Variants in EPX observed in about 807,000 individuals in gnomAD.
The protein encoded by EPX is eosinophil peroxidase.
EPX carries 60 observed loss-of-function variants against 73.0 expected under a neutral mutation model. The observed-to-expected ratio is 0.82, with a 90% confidence interval of 0.67 to 1.02. The LOEUF (loss-of-function observed/expected upper bound fraction) is 1.02, where lower values mean the gene tolerates loss of function less well. Ranked by LOEUF, EPX falls within the 50% of genes least tolerant of loss-of-function variation. The pLI is 0.00. For missense variants in EPX, 950 were observed against 973.9 expected, an observed-to-expected ratio of 0.98 and a Z score of 0.33; for synonymous variants, 347 against 389.2, an observed-to-expected ratio of 0.89 and a Z score of 1.28.
rs1318868057 is a variant in EPX, at chr17:58,192,911, G to A, written c.65G>A (p.Gly22Asp). Residue 22 changes from glycine (G) to aspartate (D), a missense_variant, in exon 1 of 13, where the codon GGC becomes GAC. Transcript: ENST00000225371. Reference protein sequence around the residue: ...ATLVLAQPCEGTDPASPGAVE... With the variant: ...ATLVLAQPCEDTDPASPGAVE... ...CTCGTCCTCGCCCAGCCCTGTGAGGGCACTGACCCAGGTAATAGTCCCCTA... is the reference window on the plus strand; with the variant it reads ...CTCGTCCTCGCCCAGCCCTGTGAGGACACTGACCCAGGTAATAGTCCCCTA... 6.2e-7 allele frequency: 1 copy of A among 1,614,060 alleles called. No homozygotes were observed. The highest frequency in any genetic ancestry group is 2.2e-5 in the East Asian group (1 of 44,868).
At chr17:58,196,037 CTTTCTT>C (rs1165880044) in intron 6 of EPX, among the ~76,000 whole-genome samples, 821 of 66,768 alleles carry the variant, frequency 0.012, 15 homozygotes, top group African/African-American at 0.052. Context: ...TCCTTTCTTT[CTTTCTT>C]TTTCTTTCTT....
At chr17:58,198,418 C>A (rs1189246710) in intron 7 of EPX, among the ~76,000 whole-genome samples, 1 of 152,152 alleles carries the variant, frequency 6.6e-6, no homozygotes, top group African/African-American at 2.4e-5. Context: ...CTGGAAAGAG[C>A]AGCTTGTGCC....
At chr17:58,203,428 C>A in intron 11 of EPX, 110 bp downstream of exon 11, 1 of 842,488 alleles carries the variant, frequency 1.2e-6, no homozygotes, top group Non-Finnish European at 2.0e-6. Flanking sequence ...TCATTTCTTC[C>A]AAGTTCACAG....
Position 58,199,533 on chromosome 17 carries a change from T to C in EPX, c.1282-6T>C, listed in dbSNP as rs201489615. 2.5e-6 allele frequency: 4 copies of C among 1,614,142 alleles called. No homozygotes were observed. In the East Asian group the frequency reaches 8.9e-5, roughly 36 times the overall value. ...TGGGGAATGTTCCTCCTGTCTTCCC[T>C]TCCAGATCATCACCTACCGAGACTT... On this transcript the variant is annotated splice_region_variant and splice_polypyrimidine_tract_variant and intron_variant, in intron 8 of 12. Coordinates refer to ENST00000225371, the MANE Select transcript of EPX (RefSeq NM_000502.6).
rs1335785981 is a variant in EPX at position 58,194,016 on chromosome 17, C to T, written c.518C>T (p.Ala173Val). ...CAGGCTCTGGCTCGCTGGCTGCCCG[C>T]CGAGTATGAGGATGGGCTGTCGCTC... ...SNQALARWLP[A>V]EYEDGLSLPF... Residue 173 changes from alanine (A) to valine (V), a missense_variant, in exon 5 of 13, where the codon GCC becomes GTC. Physicochemically the swap from Ala to Val is moderately conservative, Grantham distance 64. Transcript: ENST00000225371. The T allele has an allele frequency of 6.2e-7, 1 of 1,613,160 alleles. No homozygotes were observed.
At chr17:58,201,682 G>A (rs1968343404) in intron 10 of EPX, among the ~76,000 whole-genome samples, 1 of 152,178 alleles carries the variant, frequency 6.6e-6, no homozygotes, top group Admixed American at 6.5e-5. Context: ...AGCAGGATAT[G>A]ATAGGGATGT....
chr17:58,200,877 A>G (rs1450974751), intron 10 of EPX, among the ~76,000 whole-genome samples: 2 of 152,216 alleles, frequency 1.3e-5, no homozygotes, highest in East Asian at 1.9e-4. Flanking sequence ...GAGGGCACAA[A>G]TGACTTTATC....
chr17:58,197,834 C>CTTA (rs33937391), intron 7 of EPX, among the ~76,000 whole-genome samples: 8,706 of 151,818 alleles, frequency 0.057, 298 homozygotes, highest in Middle Eastern at 0.13. Flanking sequence ...AGATATTTAT[C>CTTA]TTATTATTAT....
chr17:58,203,418 T>A (rs1475521125), intron 11 of EPX, 100 bp downstream of exon 11: 2 of 877,374 alleles, frequency 2.3e-6, no homozygotes, highest in South Asian at 2.7e-5. Context: ...CTTTTTAGTA[T>A]CATTTCTTCC....
At chr17:58,194,671 T>A (rs34421287) in intron 5 of EPX, among the ~76,000 whole-genome samples, 10,708 of 152,234 alleles carry the variant, frequency 0.07, 1,188 homozygotes, top group African/African-American at 0.24. Context: ...AATTGATCTA[T>A]CTATTTGATC....
Position 58,195,166 on chromosome 17 carries a change from T to C in EPX, c.797T>C (p.Ile266Thr). The C allele has an allele frequency of 6.2e-7, 1 of 1,612,990 alleles. No individual in the cohort carries two copies. The highest frequency in any genetic ancestry group is 8.5e-7 in the Non-Finnish European group (1 of 1,179,240). ...GCCCAGCTGCCCCCCTGCTTTCCCA[T>C]CAAGGTACCTACCCTCAGCCAATCT... is the stretch of plus-strand genomic sequence containing the variant. The part of the protein sequence containing the change: ...TCAQLPPCFP[I>T]KIPPNDPRIK... The change falls in exon 6 of 13, where the codon ATC becomes ACC. Residue 266 changes from isoleucine (I) to threonine (T), a missense_variant. Transcript: ENST00000225371.
At chr17:58,195,280 T>C (rs1968240674) in intron 6 of EPX, 110 bp downstream of exon 6, 1 of 862,898 alleles carries the variant, frequency 1.2e-6, no homozygotes, top group East Asian at 2.4e-5. Context: ...GAGCTGCCTG[T>C]GGAGCTAGGG....
chr17:58,201,745 A>G (rs1057495570), intron 10 of EPX, among the ~76,000 whole-genome samples: 1 of 151,458 alleles, frequency 6.6e-6, no homozygotes, highest in Non-Finnish European at 1.5e-5. Context: ...TCATGGCCCG[A>G]CCTCCTGTGG....
intron 9 of EPX, 81 bp downstream of exon 9, chr17:58,199,875 G>A: frequency 6.8e-7 from 1 of 1,477,630 alleles, no homozygotes; most frequent in Non-Finnish European, 9.3e-7. Context: ...TTACTGCCAG[G>A]AAGCCAGGCT....
At chr17:58,196,522 T>C (rs1968258505) in intron 6 of EPX, among the ~76,000 whole-genome samples, 3 of 152,178 alleles carry the variant, frequency 2.0e-5, no homozygotes, top group African/African-American at 7.2e-5. Flanking sequence ...TTTCCTGTGT[T>C]TTTTTAACCT....
rs755493373 is a variant in EPX at position 58,203,143 on chromosome 17, C to A, written c.1771C>A (p.Arg591=). ...GCCCCGGAATTTGGCACAGCTTAGC[C>A]GGGTGCTGAAAAACCAGGACTTGGC... ...SQPRNLAQLS[R]VLKNQDLARK... Residue 591 remains arginine, a synonymous_variant, in exon 11 of 13, where the codon CGG becomes AGG. Coordinates refer to ENST00000225371, the MANE Select transcript of EPX (RefSeq NM_000502.6). The A allele has an allele frequency of 1.2e-6, 2 of 1,614,180 alleles. No homozygotes were observed. Among genetic ancestry groups the A allele is most frequent in the East Asian group, 2.2e-5 (1 of 44,884 alleles).
chr17:58,203,931 CAAAAAAAAAAAAAAAAA>C (rs567848038), intron 11 of EPX, among the ~76,000 whole-genome samples: 262 of 15,736 alleles, frequency 0.017, 2 homozygotes, highest in African/African-American at 0.044. Context: ...GACTCCGTCT[CAAAAAAAAAAAAAAAAA>C]AAAAAAAAAA....
At position 58,204,315 on chromosome 17, in the gene EPX, TATC is replaced by T; in HGVS notation, c.2042_2044del (p.Ile681del). On this transcript the variant is annotated inframe_deletion, in exon 12 of 13. Transcript: ENST00000225371. Reference sequence around the variant, plus strand: ...CTCGAATTATATGTGACAATACCGGTATCACCACGGTTTCAAGGGACATCTTCA... The same window carrying T: ...CTCGAATTATATGTGACAATACCGGTACCACGGTTTCAAGGGACATCTTCA... 6.2e-7 allele frequency: 1 copy of T among 1,613,386 alleles called. No homozygotes were observed. Among genetic ancestry groups the T allele is most frequent in the Non-Finnish European group, 8.5e-7 (1 of 1,179,314 alleles).
intron 7 of EPX, 105 bp from the exon 8 acceptor site, chr17:58,198,935 A>G: frequency 3.4e-6 from 4 of 1,174,430 alleles, no homozygotes; most frequent in Non-Finnish European, 3.8e-6. Context: ...GAGGGCCAGG[A>G]GTTTGGCCCA....
Sources: gnomAD v4.1 joint callset for allele counts (sites outside exome capture counted in the v4.1 genomes callset) on GRCh38, gnomAD v4.1.1 for gene constraint, MANE v1.5 for transcripts, NCBI Gene and HGNC (gene_info 2026-07-23, HGNC 2026-07-21) for gene names.